FMNL2: variants seen among roughly 807,000 people sequenced by gnomAD.
FMNL2 encodes formin like 2, also known as formin-like protein 2.
A neutral mutation model predicts 130.2 loss-of-function variants in FMNL2; 51 were observed. That is an observed-to-expected ratio of 0.39 (90% CI 0.31 to 0.49). FMNL2 has a LOEUF of 0.49. FMNL2 is among the 20% of genes least tolerant of loss of function. FMNL2 has a pLI of 0.85. For synonymous variants in FMNL2, 465 were observed against 467.1 expected (o/e 1.00, Z 0.06); for missense variants, 977 against 1,316.2 (o/e 0.74, Z 3.99).
At chr2:152,540,060 AGCCT>A (rs1694220225) in intron 2 of FMNL2, among the ~76,000 whole-genome samples, 1 of 152,166 alleles carries the variant, frequency 6.6e-6, no homozygotes, top group South Asian at 2.1e-4. Flanking sequence ...ACTGCATTCC[AGCCT>A]GGGTGACAGA....
chr2:152,531,090 T>G (rs1317239933), intron 2 of FMNL2, among the ~76,000 whole-genome samples: 1 of 152,200 alleles, frequency 6.6e-6, no homozygotes, highest in Admixed American at 6.5e-5. Flanking sequence ...TTCTTACCGG[T>G]AAAACCACTG....
chr2:152,396,931 A>G (rs2345875), intron 1 of FMNL2, among the ~76,000 whole-genome samples: 11,287 of 152,272 alleles, frequency 0.074, 647 homozygotes, highest in Admixed American at 0.2. Context: ...TCTTGCTTAA[A>G]GAATCATAAG....
intron 1 of FMNL2, among the ~76,000 whole-genome samples, chr2:152,365,236 G>C (rs1683446110): frequency 6.6e-6 from 1 of 152,214 alleles, no homozygotes; most frequent in Non-Finnish European, 1.5e-5. Flanking sequence ...TTGGAGAGTG[G>C]AAGATGAATG....
chr2:152,497,650 A>G (rs1263654854), intron 1 of FMNL2, among the ~76,000 whole-genome samples: 4 of 151,922 alleles, frequency 2.6e-5, no homozygotes, highest in African/African-American at 9.7e-5. Context: ...TGCATACTGT[A>G]TTTTCTTATT....
chr2:152,360,449 G>A (rs991924396), intron 1 of FMNL2, among the ~76,000 whole-genome samples: 1 of 151,788 alleles, frequency 6.6e-6, no homozygotes, highest in African/African-American at 2.4e-5. Flanking sequence ...TCCCACCTCC[G>A]CCTCCTGAGT....
At chr2:152,556,084 G>A (rs1695187279) in intron 4 of FMNL2, among the ~76,000 whole-genome samples, 1 of 152,106 alleles carries the variant, frequency 6.6e-6, no homozygotes, top group African/African-American at 2.4e-5. Flanking sequence ...AATTGAAAAT[G>A]GCCAGTTCTC....
At chr2:152,626,412 G>A in intron 16 of FMNL2, 113 bp from the exon 17 acceptor site, 2 of 827,214 alleles carry the variant, frequency 2.4e-6, no homozygotes, top group South Asian at 3.7e-5. Flanking sequence ...CATGGCCAAA[G>A]ACAAGTACTT....
At chr2:152,493,649 A>T (rs1014686367) in intron 1 of FMNL2, among the ~76,000 whole-genome samples, 1 of 152,258 alleles carries the variant, frequency 6.6e-6, no homozygotes, top group African/African-American at 2.4e-5. Context: ...TATGTTTGTT[A>T]AAAGAGCCTG....
chr2:152,348,530 A>T (rs1682261398), intron 1 of FMNL2, among the ~76,000 whole-genome samples: 1 of 152,260 alleles, frequency 6.6e-6, no homozygotes, highest in Admixed American at 6.5e-5. Flanking sequence ...ATTGCACATA[A>T]CTTGCCTTTG....
chr2:152,372,564 T>C (rs145769033), intron 1 of FMNL2, among the ~76,000 whole-genome samples: 300 of 152,314 alleles, frequency 2.0e-3, no homozygotes, highest in African/African-American at 7.0e-3. Context: ...GGATGCTTTC[T>C]GTGTGTTAAT....
At chr2:152,492,056 G>T (rs560828254) in intron 1 of FMNL2, among the ~76,000 whole-genome samples, 3 of 152,270 alleles carry the variant, frequency 2.0e-5, no homozygotes, top group South Asian at 2.1e-4. Context: ...AATTGCTTTT[G>T]TAAAAATAAA....
intron 1 of FMNL2, among the ~76,000 whole-genome samples, chr2:152,382,334 A>T (rs1684521240): frequency 6.6e-6 from 1 of 152,206 alleles, no homozygotes; most frequent in Non-Finnish European, 1.5e-5. Flanking sequence ...GGCGTCATTA[A>T]GGAAAGCGCA....
chr2:152,415,635 T>G (rs1686568942), intron 1 of FMNL2, among the ~76,000 whole-genome samples: 1 of 105,760 alleles, frequency 9.5e-6, no homozygotes, highest in Middle Eastern at 6.4e-3. Flanking sequence ...TCAAGAGAAT[T>G]TTTTCCCCCC....
chr2:152,393,064 C>T (rs1282353773), intron 1 of FMNL2, among the ~76,000 whole-genome samples: 1 of 152,122 alleles, frequency 6.6e-6, no homozygotes, highest in African/African-American at 2.4e-5. Flanking sequence ...TACCTGAATG[C>T]CCCTTGTGGT....
chr2:152,555,283 A>G (rs1056514969), intron 4 of FMNL2, among the ~76,000 whole-genome samples: 4 of 152,182 alleles, frequency 2.6e-5, no homozygotes, highest in African/African-American at 9.7e-5. Flanking sequence ...AACACTGCCT[A>G]ACAGAGTAGA....
chr2:152,623,233 A>T (rs1681488900), intron 15 of FMNL2, among the ~76,000 whole-genome samples: 1 of 152,210 alleles, frequency 6.6e-6, no homozygotes, highest in Non-Finnish European at 1.5e-5. Context: ...CAGGTTATGA[A>T]AAGACTCCTC....
chr2:152,420,861 AG>A (rs1686872727), intron 1 of FMNL2, among the ~76,000 whole-genome samples: 1 of 152,150 alleles, frequency 6.6e-6, no homozygotes, highest in South Asian at 2.1e-4. Context: ...TCTGAATCCC[AG>A]TTGTAGAAGC....
At chr2:152,465,560 G>A (rs1689484128) in intron 1 of FMNL2, among the ~76,000 whole-genome samples, 2 of 152,156 alleles carry the variant, frequency 1.3e-5, no homozygotes, top group South Asian at 2.1e-4. Flanking sequence ...AATTGCTTTT[G>A]CTTCTGTTTC....
chr2:152,603,938 CATTGGTTCCCAG>C lies in FMNL2; in HGVS notation c.877-3398_877-3387del, dbSNP rs1698223604. ...TCAGCCAGTGTGATATCATATGAGCCATTGGTTCCCAGATGCTGGTCCAACAACCACAAGTAT... is the reference window on the plus strand; with the variant it reads ...TCAGCCAGTGTGATATCATATGAGCCATGCTGGTCCAACAACCACAAGTAT... On this transcript the variant is annotated intron_variant, in intron 9 of 25. Transcript: ENST00000288670. Among the ~76,000 whole-genome samples, 2 of 150,862 alleles carry C rather than the reference CATTGGTTCCCAG, an allele frequency of 1.3e-5. 1 individual carries two copies. Among genetic ancestry groups the C allele is most frequent in the South Asian group, 4.4e-4 (2 of 4,582 alleles).
Sources: allele counts gnomAD v4.1 joint callset (sites outside exome capture counted in the v4.1 genomes callset), GRCh38; gene constraint gnomAD v4.1.1; transcripts MANE v1.5; gene names NCBI Gene and HGNC (gene_info 2026-07-23, HGNC 2026-07-21).